Variants in CEP72 observed in about 807,000 individuals in gnomAD.
The protein encoded by CEP72 is centrosomal protein 72, also known as centrosomal protein of 72 kDa.
In CEP72, 78 loss-of-function variants were observed where a neutral mutation model predicts 65.7. The ratio of observed to expected loss-of-function variants is 1.19; its 90% CI spans 0.99 to 1.43. CEP72 has a LOEUF of 1.43. Among genes scored for constraint, CEP72 ranks in the 40% most tolerant of loss-of-function variants. The pLI is 0.00. For synonymous variants in CEP72, 358 were observed against 351.7 expected (o/e 1.02, Z -0.20); for missense variants, 914 against 832.9 (o/e 1.10, Z -1.20).
At chr5:672,160 C>T (rs946371324), downstream of CEP72, among the ~76,000 whole-genome samples, 1 of 152,204 alleles carries the variant, frequency 6.6e-6, no homozygotes, top group African/African-American at 2.4e-5. Flanking sequence ...ACAAAGTGTC[C>T]TACCGGCCCT....
intron 3 of CEP72, among the ~76,000 whole-genome samples, chr5:622,600 C>T (rs1339219620): frequency 6.6e-6 from 1 of 152,246 alleles, no homozygotes; most frequent in Non-Finnish European, 1.5e-5. Flanking sequence ...AGAGCCTGAG[C>T]AGTGTGGATA....
intron 9 of CEP72, chr5:642,711 T>G: frequency 4.1e-6 from 4 of 985,400 alleles, no homozygotes; most frequent in Non-Finnish European, 4.8e-6. Flanking sequence ...GGGTGAGTGA[T>G]CCAGAAGAAT....
At chr5:625,335 T>C (rs1346264101) in intron 4 of CEP72, among the ~76,000 whole-genome samples, 1 of 152,148 alleles carries the variant, frequency 6.6e-6, no homozygotes. Flanking sequence ...AATCAAATCA[T>C]TTTTTTTCTT....
At chr5:619,842 G>A (rs1174486105) in intron 2 of CEP72, among the ~76,000 whole-genome samples, 1 of 152,212 alleles carries the variant, frequency 6.6e-6, no homozygotes, top group African/African-American at 2.4e-5. Flanking sequence ...GATATTAGCT[G>A]TGCTTAGTTG....
rs147312292 is a variant in CEP72, at chr5:640,418, A to T, written c.1353A>T (p.Arg451Ser). 2 of 1,613,720 alleles carry T rather than the reference A, an allele frequency of 1.2e-6. No individual in the cohort carries two copies. The highest frequency in any genetic ancestry group is 1.7e-5 in the Admixed American group (1 of 59,960). The change falls in exon 9 of 12, where the codon AGA (arginine) becomes AGT (serine). Residue 451 changes from arginine to serine, a missense_variant. By Grantham distance (110) the Arg-to-Ser change is moderately radical. Transcript: ENST00000264935. ...GGTTTTCACTCCTAGCTCAGGCAAG[A>T]CACATCTTGTCATCTGTTGAAGAAT... Reference protein sequence around the residue: ...HSNEAFLAQARHILSSVEEFT... With the variant: ...HSNEAFLAQASHILSSVEEFT...
downstream of CEP72, among the ~76,000 whole-genome samples, chr5:670,268 C>T (rs906724576): frequency 2.0e-5 from 3 of 152,106 alleles, no homozygotes; most frequent in African/African-American, 7.3e-5. Context: ...AATGCCCTCC[C>T]ATGGTGCCCT....
chr5:648,834 CTG>C (rs1383668411), intron 11 of CEP72, among the ~76,000 whole-genome samples: 1 of 102,890 alleles, frequency 9.7e-6, no homozygotes, highest in Non-Finnish European at 1.9e-5. Flanking sequence ...TGAGGTGTGA[CTG>C]TGAGGTGTGG....
chr5:642,519 C>G (rs373268690), intron 9 of CEP72: 1 of 985,346 alleles, frequency 1.0e-6, no homozygotes, highest in Non-Finnish European at 1.2e-6. Context: ...GAGCCTGGGA[C>G]GAGACAGAGC....
intron 4 of CEP72, among the ~76,000 whole-genome samples, chr5:629,113 G>T (rs931877405): frequency 6.6e-6 from 1 of 152,232 alleles, no homozygotes; most frequent in Non-Finnish European, 1.5e-5. Context: ...ACTGCCCTTG[G>T]GTTTGTTTTG....
chr5:637,793 C>T lies in CEP72; in HGVS notation c.1181C>T (p.Ser394Phe). 3 of 1,587,738 alleles carry T rather than the reference C, an allele frequency of 1.9e-6. No individual in the cohort carries two copies. The highest frequency in any genetic ancestry group is 2.3e-5 in the South Asian group (2 of 88,714). ...PEASETEEQR[S>F]RGVTDTREPS... ...GCCTCGGAGACTGAGGAGCAGAGGT[C>T]TCGGGGTGTGACCGACACCAGAGAG... The change falls in exon 7 of 12, where the codon TCT becomes TTT. Residue 394 changes from serine to phenylalanine, a missense_variant. Ser to Phe is a radical substitution (Grantham distance 155, BLOSUM62 -2). Coordinates refer to ENST00000264935, the MANE Select transcript of CEP72 (RefSeq NM_018140.4).
At position 633,819 on chromosome 5, in the gene CEP72, TG is replaced by T; in HGVS notation, c.565del (p.Val189SerfsTer10). On this transcript the variant is annotated frameshift_variant, in exon 5 of 12. Coordinates refer to ENST00000264935, the MANE Select transcript of CEP72 (RefSeq NM_018140.4). LOFTEE classifies it high-confidence loss of function. ...ACCGAGGCCTTGGCCAAGCAGAGCC[TG>T]GTCATGGATGCGGATGACGAGGCAG... is the stretch of plus-strand genomic sequence containing the variant. Reference protein sequence around the residue: ...KCTEALAKQSLVMDADDEAVL... With the variant: ...KCTEALAKQSXVMDADDEAVL... 6.2e-7 allele frequency: 1 copy of T among 1,614,100 alleles called. No homozygotes were observed. Among genetic ancestry groups the T allele is most frequent in the Non-Finnish European group, 8.5e-7 (1 of 1,180,048 alleles).
intron 4 of CEP72, among the ~76,000 whole-genome samples, chr5:626,124 TG>T (rs755966062): frequency 3.9e-5 from 6 of 152,234 alleles, no homozygotes; most frequent in Non-Finnish European, 7.3e-5. Context: ...GTTAGTTTCA[TG>T]GGGTTTTCTT....
At position 633,791 on chromosome 5, in the gene CEP72, T is replaced by C. The variant is rs1427845410; in HGVS notation, c.535T>C (p.Cys179Arg). Reference protein sequence around the residue: ...EGRPHHPRAKCTEALAKQSLV... With the variant: ...EGRPHHPRAKRTEALAKQSLV... ...CAGACCACACCACCCCAGAGCCAAGTGCACCGAGGCCTTGGCCAAGCAGAG... is the reference window on the plus strand; with the variant it reads ...CAGACCACACCACCCCAGAGCCAAGCGCACCGAGGCCTTGGCCAAGCAGAG... Residue 179 changes from cysteine (C) to arginine (R), a missense_variant, in exon 5 of 12, where the codon TGC becomes CGC. Transcript: ENST00000264935. 6 of 1,613,962 alleles carry C rather than the reference T, an allele frequency of 3.7e-6. No individual in the cohort carries two copies. The Admixed American group carries it at 8.3e-5, about 22-fold the overall frequency.
chr5:645,461 GA>G lies in CEP72; in HGVS notation c.1666+1051del, dbSNP rs532665849. Among the ~76,000 whole-genome samples the G allele has an allele frequency of 0.15, 20,155 of 134,888 alleles. 1,679 individuals are homozygous for G. The highest frequency in any genetic ancestry group is 0.21 in the South Asian group (895 of 4,236). The allele number at this position is 134,888 out of a possible 152,430, so 88.5% of individuals were successfully genotyped here. Reference sequence around the variant, plus strand: ...CATCATTTCGTCGTAAAGGTGATGAGAAAAAAAAAAAAAAACAGTTCCCTGC... The same window carrying G: ...CATCATTTCGTCGTAAAGGTGATGAGAAAAAAAAAAAAAACAGTTCCCTGC... On this transcript the variant is annotated intron_variant, in intron 10 of 11. Transcript: ENST00000264935. The surrounding 1 kb of genome is among the most constrained non-coding windows in gnomAD (Gnocchi z 4.0).
downstream of CEP72, chr5:655,704 C>T (rs1372370934): frequency 6.6e-6 from 1 of 152,214 alleles, no homozygotes; most frequent in Admixed American, 6.5e-5. The surrounding 1 kb of genome is among the most constrained non-coding windows in gnomAD (Gnocchi z 5.0). Context: ...CCTTGTTCAG[C>T]ACCTTCTCAT....
At chr5:648,669 T>C (rs796515415) in intron 11 of CEP72, among the ~76,000 whole-genome samples, 1,372 of 76,886 alleles carry the variant, frequency 0.018, 160 homozygotes, top group South Asian at 0.04. Context: ...GACTGTGAGG[T>C]GTGGACTGTG....
At chr5:616,581 T>C (rs913288984) in intron 1 of CEP72, among the ~76,000 whole-genome samples, 35 of 152,156 alleles carry the variant, frequency 2.3e-4, no homozygotes, top group Non-Finnish European at 4.9e-4. Flanking sequence ...CCTGTTTAAA[T>C]CCCCTTACTT....
intron 7 of CEP72, among the ~76,000 whole-genome samples, chr5:638,309 G>C (rs1737760569): frequency 6.6e-6 from 1 of 152,150 alleles, no homozygotes; most frequent in African/African-American, 2.4e-5. Flanking sequence ...GAGAGACCGA[G>C]TCACTCCACC....
At chr5:649,237 GTGACTGTGAGGT>G (rs1738725368) in intron 11 of CEP72, among the ~76,000 whole-genome samples, 3 of 114,476 alleles carry the variant, frequency 2.6e-5, no homozygotes, top group African/African-American at 1.2e-4. Context: ...ACTGTGAGGT[GTGACTGTGAGGT>G]GTGGACTGTG....
Sources: gnomAD v4.1 joint callset for allele counts (sites outside exome capture counted in the v4.1 genomes callset) on GRCh38, gnomAD v4.1.1 for gene constraint, Gnocchi (gnomAD v3.1) non-coding constraint, MANE v1.5 for transcripts, NCBI Gene and HGNC (gene_info 2026-07-23, HGNC 2026-07-21) for gene names.